Variants in RPS6KA1 observed in about 807,000 individuals in gnomAD.
RPS6KA1 encodes the protein ribosomal protein S6 kinase alpha-1.
A neutral mutation model predicts 91.3 loss-of-function variants in RPS6KA1; 48 were observed. The ratio of observed to expected loss-of-function variants is 0.53; its 90% CI spans 0.42 to 0.67. RPS6KA1 has a LOEUF of 0.67. Among genes scored for constraint, RPS6KA1 ranks in the 30% least tolerant of loss-of-function variants. The pLI, the probability that RPS6KA1 is intolerant of heterozygous loss-of-function variation, is 0.00. For synonymous variants in RPS6KA1, 359 were observed against 384.7 expected, an observed-to-expected ratio of 0.93 and a Z score of 0.78; for missense variants, 719 against 960.5, an observed-to-expected ratio of 0.75 and a Z score of 3.32.
At chr1:26,549,333 G>A (rs1391900467) in intron 4 of RPS6KA1, among the ~76,000 whole-genome samples, 1 of 151,952 alleles carries the variant, frequency 6.6e-6, no homozygotes, top group Non-Finnish European at 1.5e-5. Context: ...CACTTTGGGA[G>A]GCCAAGGTGG....
intron 2 of RPS6KA1, among the ~76,000 whole-genome samples, chr1:26,538,488 G>T (rs2075922486): frequency 6.6e-6 from 1 of 152,176 alleles, no homozygotes; most frequent in African/African-American, 2.4e-5. Context: ...TAGAGCAGAA[G>T]ATCCTGGGGT....
intron 12 of RPS6KA1, 109 bp from the exon 13 acceptor site, chr1:26,556,889 A>G: frequency 8.6e-7 from 1 of 1,164,914 alleles, no homozygotes; most frequent in Non-Finnish European, 1.3e-6. Context: ...CAATTCCGAG[A>G]GCTGGGCAAT....
At chr1:26,556,773 C>T in intron 12 of RPS6KA1, 55 bp downstream of exon 12, 1 of 1,594,136 alleles carries the variant, frequency 6.3e-7, no homozygotes, top group Non-Finnish European at 8.6e-7. Flanking sequence ...ATCTTGGCCA[C>T]AGGAAGGGTG....
chr1:26,530,970 C>T, intron 1 of RPS6KA1: 1 of 1,077,184 alleles, frequency 9.3e-7, no homozygotes, highest in Non-Finnish European at 1.2e-6. Flanking sequence ...CATTTGAGCC[C>T]AGGAGCTGAG....
intron 2 of RPS6KA1, among the ~76,000 whole-genome samples, chr1:26,541,273 T>C (rs1294190694): frequency 2.4e-5 from 3 of 126,796 alleles, no homozygotes; most frequent in African/African-American, 9.4e-5. Flanking sequence ...AAAAAAAAAA[T>C]GCCGGACACA....
chr1:26,530,316 G>A (rs1246604765), intron 1 of RPS6KA1, among the ~76,000 whole-genome samples: 1 of 152,236 alleles, frequency 6.6e-6, no homozygotes, highest in Admixed American at 6.5e-5. Context: ...CAGACGGGGA[G>A]ATCTTCAGTG....
intron 12 of RPS6KA1, 101 bp from the exon 13 acceptor site, chr1:26,556,897 A>C (rs1180616003): frequency 1.3e-5 from 15 of 1,164,728 alleles, no homozygotes; most frequent in Non-Finnish European, 1.9e-5. Context: ...AGAGCTGGGC[A>C]ATATGGCCTA....
intron 11 of RPS6KA1, chr1:26,556,158 C>T (rs2076099493): frequency 5.0e-6 from 1 of 201,938 alleles, no homozygotes. Context: ...AACATGCCGG[C>T]ATGTAGTAGG....
At chr1:26,559,594 GGT>G (rs1334534587) in intron 14 of RPS6KA1, among the ~76,000 whole-genome samples, 3 of 148,408 alleles carry the variant, frequency 2.0e-5, no homozygotes, top group Non-Finnish European at 4.5e-5. Context: ...TGGCTAGGCT[GGT>G]GTCAAACTCC....
At chr1:26,556,289 G>T in intron 11 of RPS6KA1, 1 of 309,944 alleles carries the variant, frequency 3.2e-6, no homozygotes. Flanking sequence ...GGTTGAAAAG[G>T]TCAATGGGAT....
At position 26,547,947 on chromosome 1, in the gene RPS6KA1, G is replaced by A. The variant is rs1437703063; in HGVS notation, c.307+677G>A. 1.3e-5 allele frequency among the ~76,000 whole-genome samples: 2 copies of A among 152,056 alleles called. No individual in the cohort carries two copies. Among genetic ancestry groups the A allele is most frequent in the Non-Finnish European group, 2.9e-5 (2 of 68,000 alleles). On this transcript the variant is annotated intron_variant, in intron 4 of 21. Transcript: ENST00000374168. This position sits in a 1 kb window ranked among gnomAD's most constrained non-coding sequence, Gnocchi z 4.1. ...CACTTTGGGAGGCTGAGGTGGGCGG[G>A]TCATTTGAGGTCAGGAGTTCAAGAC...
At chr1:26,563,362 G>A (rs905070250) in intron 17 of RPS6KA1, among the ~76,000 whole-genome samples, 1 of 151,440 alleles carries the variant, frequency 6.6e-6, no homozygotes, top group African/African-American at 2.4e-5. Flanking sequence ...CAAATAGCGG[G>A]GACCACAGGC....
In RPS6KA1 at chr1:26,551,507, A is replaced by G. The variant is rs1025219932; in HGVS notation, c.388+30A>G. On this transcript the variant is annotated intron_variant, in intron 5 of 21. Coordinates refer to ENST00000374168, the MANE Select transcript of RPS6KA1 (RefSeq NM_002953.4). The surrounding 1 kb of genome is among the most constrained non-coding windows in gnomAD (Gnocchi z 4.5). ...AGCTTCTGGCCCTGCCTGAGCTCCT[A>G]CCCCACCCATCCTTCGCCCTTGCCT... 1 of 1,610,608 alleles carries G rather than the reference A, an allele frequency of 6.2e-7. No homozygotes were observed. Among genetic ancestry groups the G allele is most frequent in the African/African-American group, 1.3e-5 (1 of 74,742 alleles).
chr1:26,535,843 T>A (rs575288762), intron 1 of RPS6KA1, among the ~76,000 whole-genome samples: 50 of 152,152 alleles, frequency 3.3e-4, no homozygotes, highest in Middle Eastern at 3.4e-3. Flanking sequence ...CCCAGGGCTG[T>A]CATGAGGATT....
At chr1:26,542,244 G>A (rs566695844) in intron 2 of RPS6KA1, among the ~76,000 whole-genome samples, 1 of 152,192 alleles carries the variant, frequency 6.6e-6, no homozygotes, top group Non-Finnish European at 1.5e-5. Context: ...TGGGGCTTCC[G>A]AGAGCTGCCC....
At chr1:26,546,044 G>A in intron 2 of RPS6KA1, 1 of 1,610,866 alleles carries the variant, frequency 6.2e-7, no homozygotes, top group South Asian at 1.1e-5. Flanking sequence ...CGGTGAGTGT[G>A]CCCGAATGTC....
intron 20 of RPS6KA1, 56 bp from the exon 21 acceptor site, chr1:26,573,168 C>T (rs892709911): frequency 2.5e-6 from 4 of 1,583,518 alleles, no homozygotes; most frequent in Non-Finnish European, 3.5e-6. Context: ...TGTGCCCCAT[C>T]AGGGGCCTGC....
rs200601833 is a variant in RPS6KA1, at chr1:26,574,037, A to C, written c.2086-42A>C. ...GGGGCATGGATCCCCTCCCCGCTAC[A>C]TCTCCCACCATTGTGACCTGACCTC... is the stretch of plus-strand genomic sequence containing the variant. On this transcript the variant is annotated intron_variant, in intron 21 of 21. Coordinates refer to ENST00000374168, the MANE Select transcript of RPS6KA1 (RefSeq NM_002953.4). This position sits in a 1 kb window ranked among gnomAD's most constrained non-coding sequence, Gnocchi z 4.3. 2.5e-6 allele frequency: 4 copies of C among 1,596,814 alleles called. No individual in the cohort carries two copies. The East Asian group carries it at 9.0e-5, about 36-fold the overall frequency.
chr1:26,561,629 T>C lies in RPS6KA1; in HGVS notation c.1556T>C (p.Ile519Thr), dbSNP rs202075423. 1.6e-5 allele frequency: 25 copies of C among 1,612,630 alleles called. No individual in the cohort carries two copies. The highest frequency in any genetic ancestry group is 5.3e-5 in the African/African-American group (4 of 74,902). Reference sequence around the variant, plus strand: ...GAGGCCAGCTTTGTCCTGCACACCATTGGCAAAACTGTGGAGTATCTGCAC... The same window carrying C: ...GAGGCCAGCTTTGTCCTGCACACCACTGGCAAAACTGTGGAGTATCTGCAC... ...EREASFVLHT[I>T]GKTVEYLHSQ... The change falls in exon 17 of 22, where the codon ATT becomes ACT. Residue 519 changes from isoleucine to threonine, a missense_variant. By Grantham distance (89) the Ile-to-Thr change is moderately conservative. Coordinates refer to ENST00000374168, the MANE Select transcript of RPS6KA1 (RefSeq NM_002953.4). The surrounding 1 kb of genome is among the most constrained non-coding windows in gnomAD (Gnocchi z 5.7).
Sources: allele counts gnomAD v4.1 joint callset (sites outside exome capture counted in the v4.1 genomes callset), GRCh38; gene constraint gnomAD v4.1.1; non-coding constraint Gnocchi (gnomAD v3.1); transcripts MANE v1.5; gene names NCBI Gene and HGNC (gene_info 2026-07-23, HGNC 2026-07-21).